Variants in BAG3 observed in about 807,000 individuals in gnomAD.
BAG3 encodes BAG family molecular chaperone regulator 3.
In BAG3, 14 loss-of-function variants were observed where a neutral mutation model predicts 40.5. The observed-to-expected ratio is 0.35, with a 90% CI of 0.23 to 0.54. The LOEUF is 0.54. Ranked by LOEUF, BAG3 falls within the 20% of genes least tolerant of loss-of-function variation. The probability of loss-of-function intolerance (pLI) is 0.91; values close to 1 mark genes in which losing one functional copy is unlikely to be tolerated. For synonymous variants in BAG3, 302 were observed against 307.8 expected (o/e 0.98, Z 0.20); for missense variants, 788 against 758.6 (o/e 1.04, Z -0.46).
chr10:119,665,233 T>G (rs1847048666), intron 1 of BAG3, among the ~76,000 whole-genome samples: 1 of 150,056 alleles, frequency 6.7e-6, no homozygotes, highest in Admixed American at 6.7e-5. Flanking sequence ...ACCTCCCGGG[T>G]TCACGCCATT....
Position 119,677,504 on chromosome 10 carries a change from A to C in BAG3, c.*222A>C. On this transcript the variant is annotated 3_prime_UTR_variant, in exon 4 of 4. Coordinates refer to ENST00000369085, the MANE Select transcript of BAG3 (RefSeq NM_004281.4). ...TAAAGAAGTTGCTTGTTGTTTGAGA[A>C]GTTTAACCCCGTTGCTTGTTGTTCT... 1.6e-6 allele frequency: 1 copy of C among 632,678 alleles called. No homozygotes were observed. The highest frequency in any genetic ancestry group is 2.9e-5 in the East Asian group (1 of 34,840). 39.2% of individuals were successfully genotyped at this position (632,678 alleles called of 1,614,324 possible). A position where few individuals can be genotyped will look rare whatever the true frequency, so the allele number is the denominator to read the frequency against.
intron 1 of BAG3, among the ~76,000 whole-genome samples, chr10:119,663,434 C>T (rs1303225603): frequency 6.6e-6 from 1 of 152,064 alleles, no homozygotes; most frequent in Non-Finnish European, 1.5e-5. Context: ...TCCTAAGCAG[C>T]TGGGATTATG....
chr10:119,654,548 C>G (rs144139552), intron 1 of BAG3, among the ~76,000 whole-genome samples: 1 of 152,236 alleles, frequency 6.6e-6, no homozygotes, highest in Non-Finnish European at 1.5e-5. Flanking sequence ...AGGGGCAGAG[C>G]GAAAGCAAGT....
intron 1 of BAG3, among the ~76,000 whole-genome samples, chr10:119,656,948 TCTGTGGCTTTAC>T (rs1253173292): frequency 6.6e-6 from 1 of 152,184 alleles, no homozygotes; most frequent in East Asian, 1.9e-4. Context: ...CAGAAAGACT[TCTGTGGCTTTAC>T]CCCCATCTGA....
At chr10:119,655,697 G>C (rs1470548502) in intron 1 of BAG3, among the ~76,000 whole-genome samples, 1 of 152,164 alleles carries the variant, frequency 6.6e-6, no homozygotes, top group African/African-American at 2.4e-5. Context: ...AAAGTGATTT[G>C]TTGGGGGGCA....
rs370667806 is a variant in BAG3 at position 119,676,698 on chromosome 10, G to C, written c.1144G>C (p.Ala382Pro). The stretch of plus-strand genomic sequence containing the variant: ...TCCTCCTCCCAGCCCTGGCCCTTCT[G>C]CTGTCCCCTCTTCCCCCAAGAGTGT... ...PCPPPSPGPS[A>P]VPSSPKSVAT... Residue 382 changes from alanine (A) to proline (P), a missense_variant, in exon 4 of 4, where the codon GCT (alanine) becomes CCT (proline). Physicochemically the swap from Ala to Pro is conservative, Grantham distance 27. Transcript: ENST00000369085. 7 of 1,614,134 alleles carry C rather than the reference G, an allele frequency of 4.3e-6. No individual in the cohort carries two copies. Among genetic ancestry groups the C allele is most frequent in the Non-Finnish European group, 5.9e-6 (7 of 1,180,032 alleles).
intron 1 of BAG3, among the ~76,000 whole-genome samples, chr10:119,652,807 T>A (rs1246920318): frequency 2.6e-5 from 4 of 152,242 alleles, no homozygotes; most frequent in Non-Finnish European, 4.4e-5. Flanking sequence ...GATATATACT[T>A]CTTAATCCCC....
At chr10:119,665,091 TTTGTGTG>T (rs1308770858) in intron 1 of BAG3, among the ~76,000 whole-genome samples, 10 of 55,100 alleles carry the variant, frequency 1.8e-4, no homozygotes, top group African/African-American at 3.8e-4. Context: ...CTAATTTTTG[TTTGTGTG>T]TGTGTGTGTG....
In BAG3 at chr10:119,672,452, G is replaced by A. The variant is rs141328836; in HGVS notation, c.705G>A (p.Ala235=). The stretch of plus-strand genomic sequence containing the variant: ...AAGCCCAGAAGACGCACTACCCAGC[G>A]CAGCAGGGGGAGTACCAGACCCACC... The part of the protein sequence containing the change: ...FHQAQKTHYP[A]QQGEYQTHQP... The change falls in exon 3 of 4, where the codon GCG becomes GCA. Residue 235 remains alanine (A), a synonymous_variant. Transcript: ENST00000369085. The surrounding 1 kb of genome is among the most constrained non-coding windows in gnomAD (Gnocchi z 4.8). 5.6e-5 allele frequency: 91 copies of A among 1,614,184 alleles called. 1 individual carries two copies. The East Asian group carries it at 6.5e-4, about 11-fold the overall frequency.
chr10:119,653,523 A>G (rs1233340609), intron 1 of BAG3, among the ~76,000 whole-genome samples: 1 of 152,206 alleles, frequency 6.6e-6, no homozygotes, highest in Non-Finnish European at 1.5e-5. Flanking sequence ...ATCTTCCTGT[A>G]CCCACCTGGT....
chr10:119,667,547 C>T (rs1288929982), intron 1 of BAG3, among the ~76,000 whole-genome samples: 1 of 152,188 alleles, frequency 6.6e-6, no homozygotes, highest in Non-Finnish European at 1.5e-5. Context: ...CTACCTAGGG[C>T]AGCGTCTACC....
chr10:119,652,662 A>G (rs890872514), intron 1 of BAG3, among the ~76,000 whole-genome samples: 3 of 152,190 alleles, frequency 2.0e-5, no homozygotes, highest in African/African-American at 4.8e-5. Flanking sequence ...TGATACGTGT[A>G]TATTTATAAT....
rs397516882 is a variant in BAG3 at position 119,669,836 on chromosome 10, C to T, written c.181-15C>T. The T allele has an allele frequency of 5.1e-5, 83 of 1,612,862 alleles. No homozygotes were observed. The Admixed American group carries it at 1.3e-3, about 26-fold the overall frequency. On this transcript the variant is annotated splice_polypyrimidine_tract_variant and intron_variant, in intron 1 of 3. Coordinates refer to ENST00000369085, the MANE Select transcript of BAG3 (RefSeq NM_004281.4). ...AGTTTCTAACCAGCCTGTGTTTCTCCACTTTTTATTTCAGGAGACTCCATC... is the reference window on the plus strand; with the variant it reads ...AGTTTCTAACCAGCCTGTGTTTCTCTACTTTTTATTTCAGGAGACTCCATC...
intron 1 of BAG3, among the ~76,000 whole-genome samples, chr10:119,660,475 C>A (rs568720843): frequency 1.9e-3 from 292 of 152,264 alleles, no homozygotes; most frequent in Admixed American, 6.5e-3. Context: ...GCTAATTAGT[C>A]CTCTTAAGAC....
At chr10:119,663,966 A>G (rs1847025826) in intron 1 of BAG3, among the ~76,000 whole-genome samples, 1 of 152,046 alleles carries the variant, frequency 6.6e-6, no homozygotes, top group African/African-American at 2.4e-5. Context: ...TTTCTAGAAC[A>G]TTTTTGGGCC....
intron 1 of BAG3, chr10:119,657,668 A>G (rs1589622692): frequency 6.4e-6 from 3 of 468,696 alleles, no homozygotes; most frequent in Non-Finnish European, 1.3e-5. Flanking sequence ...CACTTTGTGA[A>G]TGGCCTTCTC....
intron 1 of BAG3, chr10:119,657,539 A>T (rs1325528674): frequency 4.2e-6 from 2 of 471,172 alleles, no homozygotes; most frequent in Non-Finnish European, 8.8e-6. Flanking sequence ...GCGAAGGCAG[A>T]TACAGAAGAG....
At chr10:119,663,355 A>C (rs1243141668) in intron 1 of BAG3, among the ~76,000 whole-genome samples, 2 of 152,064 alleles carry the variant, frequency 1.3e-5, no homozygotes, top group Non-Finnish European at 2.9e-5. Context: ...GCTGGAGTGC[A>C]GTGCTGCAAT....
chr10:119,669,600 T>C (rs2134062932), intron 1 of BAG3, among the ~76,000 whole-genome samples: 1 of 152,328 alleles, frequency 6.6e-6, no homozygotes, highest in East Asian at 1.9e-4. Flanking sequence ...GTTTGGAGAA[T>C]TGGGACCTTT....
Sources: allele counts gnomAD v4.1 joint callset (sites outside exome capture counted in the v4.1 genomes callset), GRCh38; gene constraint gnomAD v4.1.1; non-coding constraint Gnocchi (gnomAD v3.1); transcripts MANE v1.5; gene names NCBI Gene and HGNC (gene_info 2026-07-23, HGNC 2026-07-21).